The following SYNJ2 variants were observed in gnomAD, a reference collection of about 807,000 sequenced individuals.
SYNJ2 encodes the protein polyphosphatidylinositol phosphatase SYNJ2.
SYNJ2 carries 116 observed loss-of-function variants against 141.3 expected under a neutral mutation model. The ratio of observed to expected loss-of-function variants is 0.82; its 90% CI spans 0.71 to 0.96. SYNJ2 has a LOEUF of 0.96. SYNJ2 is among the 40% of genes least tolerant of loss of function. The probability of loss-of-function intolerance (pLI) is 0.00; values close to 1 mark genes in which losing one functional copy is unlikely to be tolerated. For missense variants in SYNJ2, 1,873 were observed against 1,934.8 expected (o/e 0.97, Z 0.60); for synonymous variants, 745 against 777.7 (o/e 0.96, Z 0.70).
At chr6:158,041,084 T>C (rs1648660547) in intron 4 of SYNJ2, among the ~76,000 whole-genome samples, 1 of 152,112 alleles carries the variant, frequency 6.6e-6, no homozygotes, top group African/African-American at 2.4e-5. Context: ...CCCCCCTCAT[T>C]TACCCCTCAC....
At chr6:158,049,339 G>A (rs1455525756) in intron 5 of SYNJ2, among the ~76,000 whole-genome samples, 1 of 152,158 alleles carries the variant, frequency 6.6e-6, no homozygotes, top group African/African-American at 2.4e-5. Flanking sequence ...GACACCCAGT[G>A]ACCTCAGGAC....
intron 2 of SYNJ2, among the ~76,000 whole-genome samples, chr6:158,020,783 A>T (rs1346529460): frequency 6.6e-6 from 1 of 152,248 alleles, no homozygotes; most frequent in Non-Finnish European, 1.5e-5. Context: ...GTTTTTAGCT[A>T]AGCATCTCTG....
chr6:158,084,012 G>T lies in SYNJ2; in HGVS notation c.3046G>T (p.Glu1016Ter). The T allele has an allele frequency of 6.2e-7, 1 of 1,614,094 alleles. No individual in the cohort carries two copies. The highest frequency in any genetic ancestry group is 1.1e-5 in the South Asian group (1 of 91,078). Residue 1016 changes from glutamate to a stop codon, truncating the protein, a stop_gained, in exon 22 of 27, where the codon GAA (glutamate) becomes TAA (stop). Transcript: ENST00000355585. LOFTEE classifies it high-confidence loss of function. The surrounding 1 kb of genome is among the most constrained non-coding windows in gnomAD (Gnocchi z 5.0). ...TTTCCTTCTCCCAGGGGATATTCTT[G>T]AAGACGATGAAGACTACTTGGTGGA... ...LDYESEGDIL[E>*]DDEDYLVDEF...
chr6:158,022,058 G>C (rs1671569994), intron 2 of SYNJ2, among the ~76,000 whole-genome samples: 2 of 152,216 alleles, frequency 1.3e-5, no homozygotes, highest in African/African-American at 4.8e-5. Context: ...GGAGGCGGGA[G>C]AAGGCCCTGA....
chr6:158,034,056 T>C (rs1036031671), intron 4 of SYNJ2, among the ~76,000 whole-genome samples: 2 of 152,126 alleles, frequency 1.3e-5, no homozygotes, highest in Non-Finnish European at 2.9e-5. Context: ...ATCAATACAA[T>C]GGGGGGATGA....
At chr6:158,060,385 C>T (rs1781144681) in intron 7 of SYNJ2, among the ~76,000 whole-genome samples, 1 of 152,208 alleles carries the variant, frequency 6.6e-6, no homozygotes, top group African/African-American at 2.4e-5. Flanking sequence ...CAGAATGAGC[C>T]AAGGGGGCTC....
intron 15 of SYNJ2, among the ~76,000 whole-genome samples, chr6:158,072,915 CA>C (rs979154683): frequency 1.3e-5 from 2 of 151,148 alleles, no homozygotes; most frequent in Admixed American, 6.6e-5. Flanking sequence ...ACTGAAAATA[CA>C]AAAAAAATTA....
Position 157,982,738 on chromosome 6 carries a change from T to C in SYNJ2, c.127+650T>C, listed in dbSNP as rs1410061334. Among the ~76,000 whole-genome samples the C allele has an allele frequency of 6.6e-6, 1 of 152,254 alleles. No homozygotes were observed. The highest frequency in any genetic ancestry group is 1.5e-5 in the Non-Finnish European group (1 of 68,048). On this transcript the variant is annotated intron_variant, in intron 1 of 26. Coordinates refer to ENST00000355585, the MANE Select transcript of SYNJ2 (RefSeq NM_003898.4). This position sits in a 1 kb window ranked among gnomAD's most constrained non-coding sequence, Gnocchi z 4.0. ...TATGGGCTTTAGTACGTGATCTCAC[T>C]TAATTCTCACAATTCTACTAAAAAG...
Position 158,095,994 on chromosome 6 carries a change from C to G in SYNJ2, c.4121C>G (p.Ala1374Gly). The G allele has an allele frequency of 1.2e-6, 2 of 1,614,220 alleles. No homozygotes were observed. Among genetic ancestry groups the G allele is most frequent in the Non-Finnish European group, 1.7e-6 (2 of 1,180,048 alleles). The part of the protein sequence containing the change: ...SDSPSGHPPA[A>G]GTVFPQGDFL... Reference sequence around the variant, plus strand: ...AGCCCCTCTGGGCACCCACCTGCCGCGGGCACCGTCTTCCCACAAGGGGAC... The same window carrying G: ...AGCCCCTCTGGGCACCCACCTGCCGGGGGCACCGTCTTCCCACAAGGGGAC... The change falls in exon 27 of 27, where the codon GCG (alanine) becomes GGG (glycine). Residue 1374 changes from alanine to glycine, a missense_variant. Coordinates refer to ENST00000355585, the MANE Select transcript of SYNJ2 (RefSeq NM_003898.4).
In SYNJ2 at chr6:158,061,088, T is replaced by A. The variant is rs112586068; in HGVS notation, c.955-904T>A. 9.1e-3 allele frequency among the ~76,000 whole-genome samples: 1,380 copies of A among 152,332 alleles called. 25 individuals are homozygous for A. Among genetic ancestry groups the A allele is most frequent in the African/African-American group, 0.031 (1,308 of 41,576 alleles). ...CTTCTTGCTCACAGCAAGACTTGCTTGATGATGGCAGCACTGCATTGATTT... is the reference window on the plus strand; with the variant it reads ...CTTCTTGCTCACAGCAAGACTTGCTAGATGATGGCAGCACTGCATTGATTT... On this transcript the variant is annotated intron_variant, in intron 7 of 26. Transcript: ENST00000355585.
rs147643086 is a variant in SYNJ2 at position 158,029,102 on chromosome 6, C to A, written c.485+76C>A. The A allele has an allele frequency of 6.7e-4, 539 of 805,196 alleles. No homozygotes were observed. The African/African-American group carries it at 0.029, about 44-fold the overall frequency. The allele number at this position is 805,196 out of a possible 1,614,324, so 49.9% of individuals were successfully genotyped here. On this transcript the variant is annotated intron_variant, in intron 3 of 26. Coordinates refer to ENST00000355585, the MANE Select transcript of SYNJ2 (RefSeq NM_003898.4). ...GGTGGGCCCTGGTTGGCATCTGAGG[C>A]CTTGACCTCCACTTGCACCACCCCC...
rs111210727 is a variant in SYNJ2, at chr6:158,053,965, C to T, written c.796-1002C>T. Among the ~76,000 whole-genome samples, 944 of 151,302 alleles carry T rather than the reference C, an allele frequency of 6.2e-3. 9 individuals are homozygous for T. The highest frequency in any genetic ancestry group is 0.022 in the African/African-American group (888 of 41,224). Reference sequence around the variant, plus strand: ...CTATCCATCCACTGATCCATCCATCCACCCACCCATCCATCCATCCCCATT... The same window carrying T: ...CTATCCATCCACTGATCCATCCATCTACCCACCCATCCATCCATCCCCATT... On this transcript the variant is annotated intron_variant, in intron 5 of 26. Coordinates refer to ENST00000355585, the MANE Select transcript of SYNJ2 (RefSeq NM_003898.4).
intron 5 of SYNJ2, among the ~76,000 whole-genome samples, chr6:158,054,343 C>T (rs1032758670): frequency 6.6e-6 from 1 of 152,182 alleles, no homozygotes; most frequent in South Asian, 2.1e-4. Context: ...AGTATAGATT[C>T]ATGAATTTCT....
At chr6:158,081,968 A>G (rs974055107) in intron 20 of SYNJ2, among the ~76,000 whole-genome samples, 1 of 151,954 alleles carries the variant, frequency 6.6e-6, no homozygotes, top group African/African-American at 2.4e-5. Flanking sequence ...ATCTGTCTTT[A>G]TGTATAGACG....
intron 1 of SYNJ2, among the ~76,000 whole-genome samples, chr6:157,998,428 T>A (rs1044252431): frequency 3.3e-5 from 5 of 152,364 alleles, no homozygotes; most frequent in Admixed American, 3.3e-4. Flanking sequence ...ATTTTTACCA[T>A]GAGCAATGTT....
At chr6:158,021,639 G>A (rs1240694322) in intron 2 of SYNJ2, among the ~76,000 whole-genome samples, 1 of 152,206 alleles carries the variant, frequency 6.6e-6, no homozygotes, top group South Asian at 2.1e-4. Context: ...TGGCCTCGGG[G>A]TGTGGACTCC....
intron 15 of SYNJ2, among the ~76,000 whole-genome samples, chr6:158,074,227 C>T (rs1033042637): frequency 1.1e-4 from 17 of 152,170 alleles, no homozygotes; most frequent in Non-Finnish European, 2.4e-4. Context: ...ACGCTGAATG[C>T]TGGGTGCTGC....
At chr6:158,061,028 G>A (rs1172507949) in intron 7 of SYNJ2, among the ~76,000 whole-genome samples, 1 of 152,264 alleles carries the variant, frequency 6.6e-6, no homozygotes, top group Non-Finnish European at 1.5e-5. Flanking sequence ...GGAATGCATG[G>A]CACTGAGCCA....
At chr6:158,052,292 T>C (rs986071361) in intron 5 of SYNJ2, among the ~76,000 whole-genome samples, 7 of 152,374 alleles carry the variant, frequency 4.6e-5, no homozygotes, top group Admixed American at 1.3e-4. Context: ...CATATGTCCT[T>C]CACCCAGATT....
Sources: gnomAD v4.1 joint callset for allele counts (sites outside exome capture counted in the v4.1 genomes callset) on GRCh38, gnomAD v4.1.1 for gene constraint, Gnocchi (gnomAD v3.1) non-coding constraint, MANE v1.5 for transcripts, NCBI Gene and HGNC (gene_info 2026-07-23, HGNC 2026-07-21) for gene names.